ST3GAL2: variants seen among roughly 807,000 people sequenced by gnomAD.
The protein encoded by ST3GAL2 is CMP-N-acetylneuraminate-beta-galactosamide-alpha-2,3-sialyltransferase 2.
Under a neutral mutation model 37.5 loss-of-function variants are expected in ST3GAL2, and 16 were observed. The observed-to-expected ratio is 0.43, with a 90% CI of 0.29 to 0.65. The LOEUF is 0.65. Among genes scored for constraint, ST3GAL2 ranks in the 30% least tolerant of loss-of-function variants. The pLI is 0.17. For synonymous variants in ST3GAL2, 238 were observed against 202.9 expected, an observed-to-expected ratio of 1.17 and a Z score of -1.47; for missense variants, 383 against 487.8, an observed-to-expected ratio of 0.79 and a Z score of 2.02.
chr16:70,382,476 G>C (rs1309673621), intron 6 of ST3GAL2, among the ~76,000 whole-genome samples: 1 of 151,968 alleles, frequency 6.6e-6, no homozygotes, highest in African/African-American at 2.4e-5. Context: ...TAGAGATGGG[G>C]CTTCACCATG....
At position 70,412,684 on chromosome 16, in the gene ST3GAL2, T is replaced by C. The variant is rs551462545; in HGVS notation, c.-1003-13151A>G. Among the ~76,000 whole-genome samples the C allele has an allele frequency of 9.8e-5, 15 of 152,290 alleles. No homozygotes were observed. In the South Asian group the frequency reaches 2.1e-3, roughly 21 times the overall value. On this transcript the variant is annotated intron_variant, in intron 1 of 6. Transcript: ENST00000342907. ...TTTGGCTGTATTATATCTAGTGACA[T>C]ATTATTTATCCTGTTTGATGTTCAT... is the stretch of plus-strand genomic sequence containing the variant.
chr16:70,400,635 T>C (rs1358985024), intron 1 of ST3GAL2: 3 of 152,270 alleles, frequency 2.0e-5, no homozygotes, highest in African/African-American at 4.8e-5. Flanking sequence ...GGAACGAGCA[T>C]ATTGCAGTAA....
At chr16:70,392,478 T>C (rs1422307447) in intron 3 of ST3GAL2, among the ~76,000 whole-genome samples, 1 of 152,206 alleles carries the variant, frequency 6.6e-6, no homozygotes, top group Non-Finnish European at 1.5e-5. Flanking sequence ...GGACCTGATG[T>C]TGGCTGCCTA....
At chr16:70,417,159 A>G (rs2047681940) in intron 1 of ST3GAL2, among the ~76,000 whole-genome samples, 1 of 152,214 alleles carries the variant, frequency 6.6e-6, no homozygotes, top group Non-Finnish European at 1.5e-5. Flanking sequence ...AAAGGCACAC[A>G]TAAAGCTCTA....
At chr16:70,388,081 C>T (rs557853948) in intron 4 of ST3GAL2, among the ~76,000 whole-genome samples, 39 of 150,782 alleles carry the variant, frequency 2.6e-4, no homozygotes, top group East Asian at 2.1e-3. Flanking sequence ...CATTGCACCC[C>T]GGCCTGGGCA....
At chr16:70,399,879 T>G in intron 1 of ST3GAL2, 2 of 154,030 alleles carry the variant, frequency 1.3e-5, no homozygotes, top group Non-Finnish European at 1.4e-5. Flanking sequence ...CCAGAGAAGA[T>G]TCCAGGGGAC....
At position 70,378,128 on chromosome 16, in the gene ST3GAL2, G is replaced by C. The variant is rs1179643669; in HGVS notation, c.*3561C>G. The C allele has an allele frequency of 2.0e-5, 3 of 152,134 alleles. No individual in the cohort carries two copies. Among genetic ancestry groups the C allele is most frequent in the South Asian group, 4.1e-4 (2 of 4,828 alleles). The allele number at this position is 152,134 out of a possible 1,614,324, so 9.4% of individuals were successfully genotyped here. A position where few individuals can be genotyped will look rare whatever the true frequency, so the allele number is the denominator to read the frequency against. On this transcript the variant is annotated 3_prime_UTR_variant, in exon 7 of 7. Coordinates refer to ENST00000342907, the MANE Select transcript of ST3GAL2 (RefSeq NM_006927.4). ...AAAGGGAAGTAGAATGATATTTATA[G>C]GAGTTTTAAAAATCTATTATGGGCT...
At chr16:70,435,081 G>A (rs1051664869) in intron 1 of ST3GAL2, among the ~76,000 whole-genome samples, 11 of 152,182 alleles carry the variant, frequency 7.2e-5, no homozygotes, top group African/African-American at 2.4e-4. Flanking sequence ...GCCCGGTTCA[G>A]CAATTTGCTT....
intron 1 of ST3GAL2, among the ~76,000 whole-genome samples, chr16:70,435,098 C>G (rs1169387652): frequency 1.3e-5 from 2 of 152,212 alleles, no homozygotes; most frequent in Non-Finnish European, 2.9e-5. Context: ...GCTTCGATAT[C>G]TTCACACAGC....
chr16:70,407,686 A>G (rs2047602138), intron 1 of ST3GAL2, among the ~76,000 whole-genome samples: 1 of 152,184 alleles, frequency 6.6e-6, no homozygotes, highest in South Asian at 2.1e-4. Context: ...GACCCTCACC[A>G]GCACGCAGGT....
chr16:70,376,745 A>C lies in ST3GAL2; in HGVS notation c.*4944T>G, dbSNP rs1215424232. The C allele has an allele frequency of 6.6e-6, 1 of 151,858 alleles. No individual in the cohort carries two copies. The highest frequency in any genetic ancestry group is 1.5e-5 in the Non-Finnish European group (1 of 67,968). The allele number at this position is 151,858 out of a possible 1,614,324, so 9.4% of individuals were successfully genotyped here. The stretch of plus-strand genomic sequence containing the variant: ...TGTCTGCTGCCTGTGGATGGGTAAA[A>C]TACTTTTTTTTTTTTGAGACGGAGT... On this transcript the variant is annotated 3_prime_UTR_variant, in exon 7 of 7. Transcript: ENST00000342907.
At chr16:70,434,596 A>ATCTG (rs1160155526) in intron 1 of ST3GAL2, among the ~76,000 whole-genome samples, 1 of 151,448 alleles carries the variant, frequency 6.6e-6, no homozygotes, top group Non-Finnish European at 1.5e-5. Flanking sequence ...GTTTGGGCAC[A>ATCTG]TCTGGTAAGT....
intron 1 of ST3GAL2, among the ~76,000 whole-genome samples, chr16:70,405,804 T>C (rs902382759): frequency 1.3e-5 from 2 of 151,890 alleles, no homozygotes; most frequent in Non-Finnish European, 2.9e-5. Flanking sequence ...CTCACGCCTG[T>C]AATCCCAGCA....
At chr16:70,393,040 T>C (rs934829860) in intron 3 of ST3GAL2, among the ~76,000 whole-genome samples, 3 of 151,758 alleles carry the variant, frequency 2.0e-5, no homozygotes, top group African/African-American at 7.3e-5. Flanking sequence ...GTCCACTCTA[T>C]ACCACCCCCC....
rs542996843 is a variant in ST3GAL2 at position 70,412,331 on chromosome 16, T to C, written c.-1003-12798A>G. On this transcript the variant is annotated intron_variant, in intron 1 of 6. Transcript: ENST00000342907. ...ATTGTCAATTCTTTGAATTCTTTCT[T>C]ACCTCCAGTAGTTTTTAACTCTCTT... Among the ~76,000 whole-genome samples the C allele has an allele frequency of 1.7e-4, 26 of 152,348 alleles. No individual in the cohort carries two copies. In the East Asian group the frequency reaches 4.0e-3, roughly 24 times the overall value.
chr16:70,397,494 C>T (rs1314866772), intron 2 of ST3GAL2, among the ~76,000 whole-genome samples: 4 of 151,802 alleles, frequency 2.6e-5, no homozygotes, highest in Non-Finnish European at 5.9e-5. Context: ...GAAGCTGAGG[C>T]GGGCAGATCA....
At chr16:70,431,549 T>C (rs1007462149) in intron 1 of ST3GAL2, among the ~76,000 whole-genome samples, 2 of 152,090 alleles carry the variant, frequency 1.3e-5, no homozygotes, top group East Asian at 1.9e-4. Context: ...CAGAACTATG[T>C]GTGTTGTGTT....
At chr16:70,408,390 A>G (rs2151668448) in intron 1 of ST3GAL2, among the ~76,000 whole-genome samples, 1 of 151,886 alleles carries the variant, frequency 6.6e-6, no homozygotes, top group South Asian at 2.1e-4. Flanking sequence ...AACCAGGCAG[A>G]AGGAGCTGGG....
chr16:70,402,605 G>C (rs921177734), intron 1 of ST3GAL2, among the ~76,000 whole-genome samples: 1 of 152,202 alleles, frequency 6.6e-6, no homozygotes, highest in Non-Finnish European at 1.5e-5. Flanking sequence ...GGCTGAAGAG[G>C]CTTCAGGAGT....
Sources: gnomAD v4.1 joint callset for allele counts (sites outside exome capture counted in the v4.1 genomes callset) on GRCh38, gnomAD v4.1.1 for gene constraint, MANE v1.5 for transcripts, NCBI Gene and HGNC (gene_info 2026-07-23, HGNC 2026-07-21) for gene names.